The following SOX5 variants were observed in gnomAD, a reference collection of about 807,000 sequenced individuals.
The protein encoded by SOX5 is SRY-box transcription factor 5.
In SOX5, 9 loss-of-function variants were observed where a neutral mutation model predicts 92.0. That is an observed-to-expected ratio of 0.10 (90% CI 0.06 to 0.17). The LOEUF is 0.17. Ranked by LOEUF, SOX5 falls within the 10% of genes least tolerant of loss-of-function variation. The pLI is 1.00. For synonymous variants in SOX5, 344 were observed against 336.3 expected, an observed-to-expected ratio of 1.02 and a Z score of -0.25; for missense variants, 642 against 944.5, an observed-to-expected ratio of 0.68 and a Z score of 4.20.
Position 23,971,901 on chromosome 12 carries a change from AT to A in SOX5, c.-1-75878del, listed in dbSNP as rs530193288. On this transcript the variant is annotated intron_variant, in intron 4 of 4. Coordinates refer to the SOX5 transcript ENST00000446891. The stretch of plus-strand genomic sequence containing the variant: ...TCCAAATAGGTAATAATAGGTACTT[AT>A]TTTTTTCCATTTTATTGACGAAAAC... Among the ~76,000 whole-genome samples the A allele has an allele frequency of 2.2e-4, 34 of 152,198 alleles. 2 individuals carry two copies. The highest frequency in any genetic ancestry group is 1.9e-3 in the Admixed American group (29 of 15,282).
intron 3 of SOX5, among the ~76,000 whole-genome samples, chr12:24,262,958 A>G (rs1471848320): frequency 6.6e-6 from 1 of 152,186 alleles, no homozygotes; most frequent in Non-Finnish European, 1.5e-5. Flanking sequence ...GCAGTGGCTC[A>G]TGCCTGTAAT....
At chr12:23,804,442 T>G (rs1005533852) in intron 3 of SOX5, among the ~76,000 whole-genome samples, 7 of 152,126 alleles carry the variant, frequency 4.6e-5, no homozygotes, top group Non-Finnish European at 1.0e-4. Flanking sequence ...AAAAATGGAT[T>G]GTGGAACAGA....
Position 23,895,740 on chromosome 12 carries a change from G to T in SOX5, c.270+53C>A, listed in dbSNP as rs186767009. ...AAGGACTGAGGCCAAACTATTAGAG[G>T]AGTAGACTGGTCAAAAAGTGAGTGT... On this transcript the variant is annotated intron_variant, in intron 2 of 14. Transcript: ENST00000451604. 127 of 1,234,596 alleles carry T rather than the reference G, an allele frequency of 1.0e-4. No individual in the cohort carries two copies. In the African/African-American group the frequency reaches 1.7e-3, roughly 16 times the overall value. 76.5% of individuals were successfully genotyped at this position (1,234,596 alleles called of 1,614,324 possible).
chr12:23,839,990 C>A (rs371409585), intron 3 of SOX5, among the ~76,000 whole-genome samples: 340 of 121,352 alleles, frequency 2.8e-3, no homozygotes, highest in African/African-American at 4.1e-3. Flanking sequence ...CTCAAGAAGA[C>A]AAAAAAAAAA....
Position 23,765,651 on chromosome 12 carries a change from C to G in SOX5, c.482-9927G>C, listed in dbSNP as rs115365485. ...TTGAAATATTTATTTAATTTCTGAACTATATGAAAGGTATTATCTTTGCTT... is the reference window on the plus strand; with the variant it reads ...TTGAAATATTTATTTAATTTCTGAAGTATATGAAAGGTATTATCTTTGCTT... On this transcript the variant is annotated intron_variant, in intron 3 of 14. Transcript: ENST00000451604. 6.2e-3 allele frequency among the ~76,000 whole-genome samples: 942 copies of G among 152,080 alleles called. 14 individuals carry two copies. Among genetic ancestry groups the G allele is most frequent in the African/African-American group, 0.022 (922 of 41,538 alleles).
intron 1 of SOX5, among the ~76,000 whole-genome samples, chr12:24,495,065 G>C (rs1256198040): frequency 6.6e-6 from 1 of 152,172 alleles, no homozygotes; most frequent in Non-Finnish European, 1.5e-5. Flanking sequence ...TTTGTTCACA[G>C]AAGAGTTAAA....
chr12:23,801,123 C>T (rs2095652757), intron 3 of SOX5, among the ~76,000 whole-genome samples: 1 of 152,182 alleles, frequency 6.6e-6, no homozygotes, highest in Non-Finnish European at 1.5e-5. Flanking sequence ...TTGTCTGTCC[C>T]TTGGCTCCTA....
chr12:23,789,549 C>T (rs759896451), intron 3 of SOX5, among the ~76,000 whole-genome samples: 7 of 152,132 alleles, frequency 4.6e-5, no homozygotes, highest in South Asian at 4.1e-4. Flanking sequence ...CAAGGTCTCA[C>T]GGAAAATATT....
chr12:24,357,660 C>G (rs73289733), intron 2 of SOX5, among the ~76,000 whole-genome samples: 1 of 152,024 alleles, frequency 6.6e-6, no homozygotes, highest in East Asian at 1.9e-4. Context: ...CTGGGCAACA[C>G]GGTGAAACTC....
chr12:23,911,440 T>C (rs1461951140), intron 1 of SOX5, among the ~76,000 whole-genome samples: 1 of 152,114 alleles, frequency 6.6e-6, no homozygotes, highest in Non-Finnish European at 1.5e-5. Context: ...ACAGCATGTC[T>C]TCATGTTAAC....
chr12:24,251,015 T>G (rs904066889), intron 3 of SOX5, among the ~76,000 whole-genome samples: 1 of 152,242 alleles, frequency 6.6e-6, no homozygotes, highest in Non-Finnish European at 1.5e-5. Context: ...AGTTTTATAG[T>G]AAAGACCAAC....
At chr12:24,170,286 T>C (rs1364915501) in intron 4 of SOX5, among the ~76,000 whole-genome samples, 1 of 152,134 alleles carries the variant, frequency 6.6e-6, no homozygotes, top group Non-Finnish European at 1.5e-5. Context: ...AAGGCAACTG[T>C]AGGGTGGCCG....
chr12:24,142,815 C>T (rs1388418942), intron 4 of SOX5, among the ~76,000 whole-genome samples: 2 of 150,574 alleles, frequency 1.3e-5, no homozygotes, highest in Non-Finnish European at 1.5e-5. Context: ...AGCTGAATCC[C>T]GGAAGACAGA....
chr12:24,404,774 T>C (rs1252939767), intron 1 of SOX5, among the ~76,000 whole-genome samples: 1 of 152,150 alleles, frequency 6.6e-6, no homozygotes, highest in African/African-American at 2.4e-5. Context: ...ATGGGTTGCA[T>C]TGCCCCTTCC....
intron 3 of SOX5, among the ~76,000 whole-genome samples, chr12:24,274,233 T>C (rs764009250): frequency 2.0e-5 from 3 of 152,192 alleles, no homozygotes; most frequent in Non-Finnish European, 4.4e-5. Context: ...ACTGCTATTA[T>C]ACAGTTGTTT....
intron 1 of SOX5, among the ~76,000 whole-genome samples, chr12:23,941,703 G>A (rs1274776129): frequency 1.3e-5 from 2 of 151,436 alleles, no homozygotes; most frequent in African/African-American, 4.8e-5. Flanking sequence ...TTTATATTCA[G>A]TTATCACTCA....
At chr12:23,609,918 A>C (rs2075751435) in intron 8 of SOX5, among the ~76,000 whole-genome samples, 1 of 152,144 alleles carries the variant, frequency 6.6e-6, no homozygotes, top group South Asian at 2.1e-4. Flanking sequence ...ATGTGCACCA[A>C]ATCACTGCTG....
At position 24,499,754 on chromosome 12, in the gene SOX5, C is replaced by CT. The variant is rs35069628; in HGVS notation, c.-251+62574dup. On this transcript the variant is annotated intron_variant, in intron 1 of 4. Transcript: ENST00000446891. ...CTCTGATAAAACACTAAAAATCTGC[C>CT]TTTTTTTTTTTTTTTTTAAATAGAA... is the stretch of plus-strand genomic sequence containing the variant. 9.5e-3 allele frequency among the ~76,000 whole-genome samples: 1,319 copies of CT among 139,490 alleles called. 8 individuals carry two copies. Among genetic ancestry groups the CT allele is most frequent in the African/African-American group, 0.019 (713 of 38,394 alleles). 91.5% of individuals were successfully genotyped at this position (139,490 alleles called of 152,430 possible).
intron 1 of SOX5, among the ~76,000 whole-genome samples, chr12:23,915,602 C>T (rs1019750782): frequency 2.6e-5 from 4 of 152,062 alleles, no homozygotes; most frequent in African/African-American, 9.7e-5. Flanking sequence ...GAGAACTATA[C>T]TAATAGTCTT....
Sources: gnomAD v4.1 joint callset for allele counts (sites outside exome capture counted in the v4.1 genomes callset) on GRCh38, gnomAD v4.1.1 for gene constraint, MANE v1.5 for transcripts, NCBI Gene and HGNC (gene_info 2026-07-23, HGNC 2026-07-21) for gene names.